The following ODAD3 variants were observed in gnomAD, a reference collection of about 807,000 sequenced individuals.
ODAD3 encodes outer dynein arm-docking complex subunit 3.
A neutral mutation model predicts 70.9 loss-of-function variants in ODAD3; 57 were observed. The observed-to-expected ratio is 0.80, with a 90% CI of 0.65 to 1.00. ODAD3 has a LOEUF of 1.00. Ranked by LOEUF, ODAD3 falls within the 50% of genes least tolerant of loss-of-function variation. The probability of loss-of-function intolerance (pLI) is 0.00; values close to 1 mark genes in which losing one functional copy is unlikely to be tolerated. For missense variants in ODAD3, 797 were observed against 763.9 expected (o/e 1.04, Z -0.51); for synonymous variants, 327 against 315.9 (o/e 1.04, Z -0.37).
chr19:11,425,465 A>ATATGTATATATACATATATGTGTGTG (rs1969327694), intron 7 of ODAD3, among the ~76,000 whole-genome samples: 2 of 132,232 alleles, frequency 1.5e-5, no homozygotes, highest in South Asian at 2.1e-4. Context: ...ATGTGTGTGT[A>ATATGTATATATACATATATGTGTGTG]TATATGTATA....
intron 3 of ODAD3, among the ~76,000 whole-genome samples, chr19:11,428,861 T>TTTTTTTTATTTA (rs1555723480): frequency 3.7e-5 from 5 of 135,686 alleles, no homozygotes; most frequent in African/African-American, 1.5e-4. Flanking sequence ...GTGTTTTATT[T>TTTTTTTTATTTA]TTTATTTATT....
rs1483753242 is a variant in ODAD3, at chr19:11,431,029, C to T, written c.245-9G>A. On this transcript the variant is annotated splice_polypyrimidine_tract_variant and intron_variant, in intron 1 of 12. Transcript: ENST00000356392. ...AGCCTTCCGGTCACCCTCTGGCAGGCAGGTGAGGTGGACAGACACACAGTT... is the reference window on the plus strand; with the variant it reads ...AGCCTTCCGGTCACCCTCTGGCAGGTAGGTGAGGTGGACAGACACACAGTT... 3.1e-6 allele frequency: 5 copies of T among 1,613,920 alleles called. No individual in the cohort carries two copies. The highest frequency in any genetic ancestry group is 4.2e-6 in the Non-Finnish European group (5 of 1,180,028).
intron 7 of ODAD3, among the ~76,000 whole-genome samples, chr19:11,425,188 TATAC>T (rs1438671782): frequency 1.5e-5 from 2 of 135,704 alleles, no homozygotes; most frequent in South Asian, 2.2e-4. Flanking sequence ...TATGTGTATA[TATAC>T]ATATGTGTAT....
At chr19:11,424,148 G>A (rs1969208091) in intron 7 of ODAD3, 119 bp from the exon 8 acceptor site, 1 of 1,299,728 alleles carries the variant, frequency 7.7e-7, no homozygotes, top group Non-Finnish European at 1.1e-6. Flanking sequence ...GGAGGGAAGG[G>A]AGAGGGCAAA....
intron 7 of ODAD3, among the ~76,000 whole-genome samples, 172 bp from the exon 8 acceptor site, chr19:11,424,201 G>C (rs1969209161): frequency 6.6e-6 from 1 of 152,126 alleles, no homozygotes; most frequent in Admixed American, 6.6e-5. Flanking sequence ...TGTCAAGAAA[G>C]TGGGACAAGG....
rs760126611 is a variant in ODAD3 at position 11,435,065 on chromosome 19, G to C, written c.-49C>G. 1 of 1,549,956 alleles carries C rather than the reference G, an allele frequency of 6.5e-7. No individual in the cohort carries two copies. The highest frequency in any genetic ancestry group is 1.1e-5 in the South Asian group (1 of 87,916). On this transcript the variant is annotated 5_prime_UTR_variant, in exon 1 of 13. Coordinates refer to ENST00000356392, the MANE Select transcript of ODAD3 (RefSeq NM_145045.5). ...CTAGGGGTTAGGGGGATAACTAGGA[G>C]TCAGTCGCCCCTGTCAGGGATCCGT...
At chr19:11,427,453 C>A (rs564409720) in intron 3 of ODAD3, among the ~76,000 whole-genome samples, 6 of 148,818 alleles carry the variant, frequency 4.0e-5, no homozygotes, top group Admixed American at 6.9e-5. Context: ...CACCACCACG[C>A]CTGGCTAATT....
intron 3 of ODAD3, among the ~76,000 whole-genome samples, chr19:11,429,786 C>T (rs1349620421): frequency 6.6e-6 from 1 of 152,040 alleles, no homozygotes; most frequent in Admixed American, 6.6e-5. Context: ...GATCCACCCG[C>T]CTCGGTTTCC....
At chr19:11,425,362 C>CATATGTGTATATGTGT (rs1369700894) in intron 7 of ODAD3, among the ~76,000 whole-genome samples, 5 of 102,264 alleles carry the variant, frequency 4.9e-5, no homozygotes, top group Admixed American at 3.6e-4. Flanking sequence ...TGTATATGTA[C>CATATGTGTATATGTGT]ATATGTGTAT....
At position 11,421,115 on chromosome 19, in the gene ODAD3, C is replaced by A. The variant is rs1038973872; in HGVS notation, c.1675+13G>T. 1.2e-6 allele frequency: 2 copies of A among 1,613,196 alleles called. No individual in the cohort carries two copies. Among genetic ancestry groups the A allele is most frequent in the African/African-American group, 1.3e-5 (1 of 74,870 alleles). ...CCCCAACCGCACCCCTTCATCCCCC[C>A]ACCCATACTGACCAAAAAACTTGTC... On this transcript the variant is annotated intron_variant, in intron 12 of 12. Transcript: ENST00000356392.
Position 11,422,709 on chromosome 19 carries a change from C to T in ODAD3, c.1269G>A (p.Thr423=), listed in dbSNP as rs376311591. ...GAGCCCCGGTGCCTCACCTCACCAG[C>T]GTGGCCTCCCCCGAGTACTTGAGGT... The part of the protein sequence containing the change: ...LEDLKYSGEA[T]LVSQQKLQAE... The change falls in exon 9 of 13, where the codon ACG becomes ACA. Residue 423 remains threonine, a synonymous_variant. Coordinates refer to ENST00000356392, the MANE Select transcript of ODAD3 (RefSeq NM_145045.5). This position sits in a 1 kb window ranked among gnomAD's most constrained non-coding sequence, Gnocchi z 4.6. The T allele has an allele frequency of 3.1e-6, 5 of 1,612,368 alleles. No homozygotes were observed. In the African/African-American group the frequency reaches 5.3e-5, roughly 17 times the overall value.
chr19:11,435,291 G>C (rs1568357311), upstream of ODAD3: 1 of 1,026,714 alleles, frequency 9.7e-7, no homozygotes, highest in Non-Finnish European at 1.3e-6. Context: ...GCGGGGTAGA[G>C]CCGCGCCGCA....
At chr19:11,431,108 A>C in intron 1 of ODAD3, 88 bp from the exon 2 acceptor site, 1 of 1,509,830 alleles carries the variant, frequency 6.6e-7, no homozygotes, top group Non-Finnish European at 8.9e-7. Context: ...TTTTGCAATC[A>C]TCAACTTTTT....
chr19:11,423,413 A>AG (rs147311121), intron 8 of ODAD3, among the ~76,000 whole-genome samples: 1 of 152,174 alleles, frequency 6.6e-6, no homozygotes, highest in Non-Finnish European at 1.5e-5. Flanking sequence ...CCAGGACCCA[A>AG]GGGGGACACA....
chr19:11,425,061 G>A lies in ODAD3; in HGVS notation c.964-1032C>T, dbSNP rs923028501. 9.7e-4 allele frequency among the ~76,000 whole-genome samples: 123 copies of A among 126,252 alleles called. 33 individuals carry two copies. The highest frequency in any genetic ancestry group is 4.3e-3 in the African/African-American group (106 of 24,588). The allele number at this position is 126,252 out of a possible 152,430, so 82.8% of individuals were successfully genotyped here. ...TACATATGTGTATATATGTGTATATGTGTATATATGTATATGTGTATATGT... is the reference window on the plus strand; with the variant it reads ...TACATATGTGTATATATGTGTATATATGTATATATGTATATGTGTATATGT... On this transcript the variant is annotated intron_variant, in intron 7 of 12. Coordinates refer to ENST00000356392, the MANE Select transcript of ODAD3 (RefSeq NM_145045.5).
chr19:11,425,587 GTA>G lies in ODAD3; in HGVS notation c.963+555_963+556del, dbSNP rs1289541461. Among the ~76,000 whole-genome samples the G allele has an allele frequency of 6.4e-5, 8 of 125,492 alleles. No individual in the cohort carries two copies. In the South Asian group the frequency reaches 1.1e-3, roughly 17 times the overall value. 82.3% of individuals were successfully genotyped at this position (125,492 alleles called of 152,430 possible). On this transcript the variant is annotated intron_variant, in intron 7 of 12. Transcript: ENST00000356392. ...TGTGTGTATGTATGTATATATGTATGTATATGTGTATATATGTGTGTGTATAT... is the reference window on the plus strand; with the variant it reads ...TGTGTGTATGTATGTATATATGTATGTATGTGTATATATGTGTGTGTATAT...
At chr19:11,432,888 G>A (rs528446156) in intron 1 of ODAD3, among the ~76,000 whole-genome samples, 15 of 151,946 alleles carry the variant, frequency 9.9e-5, no homozygotes, top group African/African-American at 3.4e-4. Flanking sequence ...CCACCTCCTG[G>A]GTTCAAGCCC....
At chr19:11,423,816 C>A in intron 8 of ODAD3, 61 bp downstream of exon 8, 1 of 1,527,292 alleles carries the variant, frequency 6.5e-7, no homozygotes, top group Non-Finnish European at 8.8e-7. Flanking sequence ...GCTTAGGCAC[C>A]CCTGGGGCCC....
In ODAD3 at chr19:11,426,933, C is replaced by T; in HGVS notation, c.552G>A (p.Gln184=). ...RQRRLEELQL[Q]HSLRLLEMAE... is the part of the protein sequence containing the mutation. ...CCATCTCCAGAAGGCGCAGGCTGTGCTGCAGCTGGAGCTCCTCCAGCCGCC... is the reference window on the plus strand; with the variant it reads ...CCATCTCCAGAAGGCGCAGGCTGTGTTGCAGCTGGAGCTCCTCCAGCCGCC... Residue 184 remains glutamine (Q), a synonymous_variant, in exon 4 of 13, where the codon CAG becomes CAA. Coordinates refer to ENST00000356392, the MANE Select transcript of ODAD3 (RefSeq NM_145045.5). 6.2e-7 allele frequency: 1 copy of T among 1,610,096 alleles called. No individual in the cohort carries two copies. Among genetic ancestry groups the T allele is most frequent in the Non-Finnish European group, 8.5e-7 (1 of 1,179,408 alleles).
Sources: allele counts gnomAD v4.1 joint callset (sites outside exome capture counted in the v4.1 genomes callset), GRCh38; gene constraint gnomAD v4.1.1; non-coding constraint Gnocchi (gnomAD v3.1); transcripts MANE v1.5; gene names NCBI Gene and HGNC (gene_info 2026-07-23, HGNC 2026-07-21).